Variants in CMIP observed in about 807,000 individuals in gnomAD.
The protein encoded by CMIP is C-Maf-inducing protein.
In CMIP, 13 loss-of-function variants were observed where a neutral mutation model predicts 97.3. The observed-to-expected ratio is 0.13, with a 90% CI of 0.09 to 0.21. The LOEUF (loss-of-function observed/expected upper bound fraction) is 0.21, where lower values mean the gene tolerates loss of function less well. Ranked by LOEUF, CMIP falls within the 10% of genes least tolerant of loss-of-function variation. The pLI, the probability that CMIP is intolerant of heterozygous loss-of-function variation, is 1.00. For missense variants in CMIP, 847 were observed against 1,024.9 expected (o/e 0.83, Z 2.37); for synonymous variants, 538 against 436.3 (o/e 1.23, Z -2.91).
intron 19 of CMIP, 73 bp downstream of exon 19, chr16:81,705,677 C>G: frequency 1.0e-6 from 1 of 981,748 alleles, no homozygotes; most frequent in Non-Finnish European, 1.5e-6. Flanking sequence ...GCCAAACTGG[C>G]CAAGCACTGA....
At chr16:81,645,080 A>G (rs908464647) in intron 3 of CMIP, among the ~76,000 whole-genome samples, 4 of 152,250 alleles carry the variant, frequency 2.6e-5, no homozygotes, top group Non-Finnish European at 5.9e-5. Flanking sequence ...ACAGCTGGCT[A>G]CCGAGTAACT....
At chr16:81,657,692 T>C (rs2092499863) in intron 4 of CMIP, 83 bp from the exon 5 acceptor site, 1 of 1,173,412 alleles carries the variant, frequency 8.5e-7, no homozygotes, top group East Asian at 2.6e-5. Flanking sequence ...GTTTCAAAAC[T>C]GTGGATCTTG....
intron 1 of CMIP, among the ~76,000 whole-genome samples, chr16:81,560,287 C>A (rs543041230): frequency 1.3e-5 from 2 of 150,596 alleles, no homozygotes; most frequent in East Asian, 4.0e-4. Context: ...GGCGCAATCT[C>A]GGCTCGCTGC....
intron 3 of CMIP, among the ~76,000 whole-genome samples, chr16:81,633,710 C>G (rs1472743051): frequency 6.6e-6 from 1 of 152,226 alleles, no homozygotes; most frequent in Non-Finnish European, 1.5e-5. Flanking sequence ...ATGGAGCTTG[C>G]TGGCACGTGG....
chr16:81,684,110 A>G (rs1905152087), intron 10 of CMIP, among the ~76,000 whole-genome samples: 1 of 152,158 alleles, frequency 6.6e-6, no homozygotes, highest in Non-Finnish European at 1.5e-5. Context: ...ATAACTCTAG[A>G]AACTCAAAGG....
intron 4 of CMIP, among the ~76,000 whole-genome samples, chr16:81,653,724 T>A (rs1156438960): frequency 6.6e-6 from 1 of 152,218 alleles, no homozygotes; most frequent in Non-Finnish European, 1.5e-5. Flanking sequence ...GCCGTTCTCC[T>A]GCCACAGCCT....
chr16:81,530,689 C>G (rs1290705317), intron 1 of CMIP, among the ~76,000 whole-genome samples: 2 of 152,158 alleles, frequency 1.3e-5, no homozygotes, highest in Non-Finnish European at 2.9e-5. Flanking sequence ...TGGCTGCTAC[C>G]TCCGAGGCTT....
At chr16:81,552,184 G>T (rs1197247097) in intron 1 of CMIP, among the ~76,000 whole-genome samples, 1 of 152,192 alleles carries the variant, frequency 6.6e-6, no homozygotes, top group Non-Finnish European at 1.5e-5. Flanking sequence ...CTCCCCATAC[G>T]TGGCAGTGGA....
At chr16:81,589,514 G>A (rs1034047492) in intron 1 of CMIP, among the ~76,000 whole-genome samples, 4 of 150,070 alleles carry the variant, frequency 2.7e-5, no homozygotes, top group Admixed American at 6.6e-5. Flanking sequence ...CCTATGGCGA[G>A]TGCTTATGGG....
intron 1 of CMIP, among the ~76,000 whole-genome samples, chr16:81,523,468 C>T (rs935315140): frequency 6.6e-6 from 1 of 152,156 alleles, no homozygotes. Flanking sequence ...GGTCTGGTAC[C>T]CTCCCAGCAC....
intron 1 of CMIP, among the ~76,000 whole-genome samples, chr16:81,581,627 T>C (rs993213109): frequency 2.4e-4 from 36 of 152,332 alleles, no homozygotes; most frequent in Non-Finnish European, 4.9e-4. Flanking sequence ...TTTTCAGTTC[T>C]TTGGGGTATT....
intron 10 of CMIP, chr16:81,691,514 G>A (rs1906071544): frequency 1.8e-6 from 1 of 552,940 alleles, no homozygotes; most frequent in Non-Finnish European, 3.2e-6. Flanking sequence ...GGTTCAAAGG[G>A]CATTGTGAAG....
At chr16:81,588,160 C>T (rs2091412468) in intron 1 of CMIP, among the ~76,000 whole-genome samples, 13 of 152,150 alleles carry the variant, frequency 8.5e-5, no homozygotes. Flanking sequence ...TCCGGATCCC[C>T]AGGGCTGGGC....
chr16:81,471,806 C>G (rs1217983540), intron 1 of CMIP, among the ~76,000 whole-genome samples: 1 of 152,220 alleles, frequency 6.6e-6, no homozygotes, highest in Non-Finnish European at 1.5e-5. Context: ...GAGAGGGCTG[C>G]TGAGTGACTC....
intron 3 of CMIP, among the ~76,000 whole-genome samples, chr16:81,640,394 A>G (rs929993372): frequency 1.3e-5 from 2 of 150,616 alleles, no homozygotes; most frequent in Non-Finnish European, 2.9e-5. Context: ...CTGTGAAATG[A>G]TGGGGCTGGA....
chr16:81,651,726 C>T (rs1366601022), intron 3 of CMIP, among the ~76,000 whole-genome samples: 1 of 152,104 alleles, frequency 6.6e-6, no homozygotes, highest in Non-Finnish European at 1.5e-5. Context: ...GAGAAGTCTC[C>T]CCCTTTTCTT....
chr16:81,558,306 C>T lies in CMIP; in HGVS notation c.301-49261C>T, dbSNP rs537542525. Among the ~76,000 whole-genome samples, 20 of 152,272 alleles carry T rather than the reference C, an allele frequency of 1.3e-4. No individual in the cohort carries two copies. In the South Asian group the frequency reaches 3.7e-3, roughly 28 times the overall value. On this transcript the variant is annotated intron_variant, in intron 1 of 20. Coordinates refer to ENST00000537098, the MANE Select transcript of CMIP (RefSeq NM_198390.3). The stretch of plus-strand genomic sequence containing the variant: ...CAGACACGAGGCTGCTTCCGCCTCT[C>T]GGCCGTTACAGATAGTGCTGCAGTG...
At chr16:81,688,765 C>A (rs184123964) in intron 10 of CMIP, among the ~76,000 whole-genome samples, 209 of 152,232 alleles carry the variant, frequency 1.4e-3, no homozygotes, top group Non-Finnish European at 2.1e-3. Context: ...CCCATTAACT[C>A]ATCATTTACA....
chr16:81,640,621 T>C (rs2092293150), intron 3 of CMIP, among the ~76,000 whole-genome samples: 1 of 152,164 alleles, frequency 6.6e-6, no homozygotes, highest in Admixed American at 6.5e-5. Flanking sequence ...ACATTGCTTC[T>C]GAGACTCTAG....
Sources: allele counts gnomAD v4.1 joint callset (sites outside exome capture counted in the v4.1 genomes callset), GRCh38; gene constraint gnomAD v4.1.1; transcripts MANE v1.5; gene names NCBI Gene and HGNC (gene_info 2026-07-23, HGNC 2026-07-21).